The following TLN2 variants were observed in gnomAD, a reference collection of about 807,000 sequenced individuals.
The protein encoded by TLN2 is talin-2.
A neutral mutation model predicts 294.7 loss-of-function variants in TLN2; 118 were observed. The ratio of observed to expected loss-of-function variants is 0.40; its 90% CI spans 0.34 to 0.47. The LOEUF is 0.47. TLN2 is among the 20% of genes least tolerant of loss of function. The pLI, the probability that TLN2 is intolerant of heterozygous loss-of-function variation, is 0.84. For synonymous variants in TLN2, 1,431 were observed against 1,304.5 expected (o/e 1.10, Z -2.09); for missense variants, 3,083 against 3,282.2 (o/e 0.94, Z 1.48).
At chr15:62,835,704 C>A in intron 55 of TLN2, 33 bp from the exon 56 acceptor site, 1 of 1,613,712 alleles carries the variant, frequency 6.2e-7, no homozygotes, top group Non-Finnish European at 8.5e-7. Context: ...GGCTGCCTGC[C>A]CTCATGGCCA....
At chr15:62,482,470 C>T (rs1002265094) in intron 1 of TLN2, among the ~76,000 whole-genome samples, 20 of 151,824 alleles carry the variant, frequency 1.3e-4, no homozygotes, top group Middle Eastern at 3.4e-3. Flanking sequence ...GGCATGGTGG[C>T]GCATGCCTGT....
At chr15:62,532,924 T>C (rs775632307) in intron 1 of TLN2, among the ~76,000 whole-genome samples, 1 of 152,132 alleles carries the variant, frequency 6.6e-6, no homozygotes, top group Non-Finnish European at 1.5e-5. Flanking sequence ...CAAATTTTTA[T>C]GTGTGCAGGA....
chr15:62,711,763 G>T, intron 21 of TLN2, 148 bp from the exon 22 acceptor site: 1 of 792,022 alleles, frequency 1.3e-6, no homozygotes, highest in Admixed American at 3.0e-5. Flanking sequence ...CTCTAATTTG[G>T]ATGCATGGCT....
intron 3 of TLN2, among the ~76,000 whole-genome samples, chr15:62,640,587 G>A (rs749551732): frequency 1.6e-4 from 25 of 152,064 alleles, no homozygotes; most frequent in Non-Finnish European, 2.4e-4. Context: ...CCAGCCTTGC[G>A]CCAAAGGGTG....
At chr15:62,780,317 A>C (rs920511881) in intron 43 of TLN2, among the ~76,000 whole-genome samples, 2 of 152,308 alleles carry the variant, frequency 1.3e-5, no homozygotes, top group African/African-American at 4.8e-5. Flanking sequence ...TATCATCAGC[A>C]TCTTCATTAT....
intron 55 of TLN2, chr15:62,834,468 A>G (rs140752328): frequency 6.6e-6 from 1 of 152,306 alleles, no homozygotes; most frequent in African/African-American, 2.4e-5. Flanking sequence ...GTCTTGACCC[A>G]AGAACTCGCA....
chr15:62,458,419 A>G (rs1420850656), intron 1 of TLN2, among the ~76,000 whole-genome samples: 1 of 151,950 alleles, frequency 6.6e-6, no homozygotes, highest in Non-Finnish European at 1.5e-5. Flanking sequence ...GGGCTTAATG[A>G]GAGATGGCAC....
chr15:62,671,408 T>G (rs1189083420), intron 9 of TLN2, among the ~76,000 whole-genome samples: 1 of 152,236 alleles, frequency 6.6e-6, no homozygotes. Flanking sequence ...TTTTATAGAT[T>G]TAGCTATTAC....
At position 62,675,228 on chromosome 15, in the gene TLN2, C is replaced by G. The variant is rs2056033698; in HGVS notation, c.864C>G (p.Asn288Lys). Residue 288 changes from asparagine (N) to lysine (K), a missense_variant, in exon 11 of 59, where the codon AAC (asparagine) becomes AAG (lysine). Transcript: ENST00000636159. ...TGTCACTTTTGCAGGAGCATAAGAA[C>G]TGCGGAGAGATGAGTGAGATAGAAG... is the stretch of plus-strand genomic sequence containing the variant. ...AEKRIFQEHKNCGEMSEIEAK... is the reference protein window; with the variant it reads ...AEKRIFQEHKKCGEMSEIEAK... 1.9e-6 allele frequency: 3 copies of G among 1,614,078 alleles called. No individual in the cohort carries two copies. Among genetic ancestry groups the G allele is most frequent in the Non-Finnish European group, 2.5e-6 (3 of 1,180,028 alleles).
intron 1 of TLN2, among the ~76,000 whole-genome samples, chr15:62,495,918 A>T (rs2038988923): frequency 6.6e-6 from 1 of 151,602 alleles, no homozygotes; most frequent in Non-Finnish European, 1.5e-5. Context: ...TTAATCATGG[A>T]TGACCTCTTA....
chr15:62,702,914 C>A, intron 19 of TLN2, 50 bp downstream of exon 19: 1 of 1,526,942 alleles, frequency 6.5e-7, no homozygotes, highest in South Asian at 1.1e-5. Context: ...AAGTGATGGT[C>A]TAGACCCGAG....
At chr15:62,741,179 CTT>C (rs1051056284) in intron 32 of TLN2, among the ~76,000 whole-genome samples, 1 of 152,172 alleles carries the variant, frequency 6.6e-6, no homozygotes, top group African/African-American at 2.4e-5. Context: ...ATTCAGCAGA[CTT>C]TTATTGAGCA....
At chr15:62,687,700 A>T (rs994145866) in intron 12 of TLN2, 1 of 152,206 alleles carries the variant, frequency 6.6e-6, no homozygotes, top group Non-Finnish European at 1.5e-5. Context: ...AGATATCATA[A>T]TAGGACATCA....
intron 3 of TLN2, among the ~76,000 whole-genome samples, chr15:62,630,120 C>A (rs2049647414): frequency 9.4e-6 from 1 of 106,416 alleles, no homozygotes; most frequent in African/African-American, 3.5e-5. Flanking sequence ...CACAGGTAGC[C>A]TTTCTGTAAC....
At chr15:62,678,808 G>A (rs1429026176) in intron 11 of TLN2, among the ~76,000 whole-genome samples, 1 of 152,278 alleles carries the variant, frequency 6.6e-6, no homozygotes, top group East Asian at 1.9e-4. Flanking sequence ...TCCCACCTGG[G>A]CGATAGAGCA....
At chr15:62,728,307 C>G (rs978174436) in intron 28 of TLN2, among the ~76,000 whole-genome samples, 1 of 152,178 alleles carries the variant, frequency 6.6e-6, no homozygotes, top group Non-Finnish European at 1.5e-5. Flanking sequence ...ACATACAGTG[C>G]TTCTTGCATT....
At chr15:62,502,871 T>G (rs1358919522) in intron 1 of TLN2, among the ~76,000 whole-genome samples, 1 of 152,204 alleles carries the variant, frequency 6.6e-6, no homozygotes, top group South Asian at 2.1e-4. Context: ...TTGTACTGTT[T>G]GGTAACAACT....
chr15:62,694,167 G>A (rs28539523), intron 13 of TLN2, 149 bp from the exon 14 acceptor site: 8,533 of 567,222 alleles, frequency 0.015, 401 homozygotes, highest in African/African-American at 0.11. Flanking sequence ...ATTAGAGACG[G>A]GGTCTCACTG....
At chr15:62,392,751 T>C (rs1200592741) in intron 1 of TLN2, among the ~76,000 whole-genome samples, 3 of 151,858 alleles carry the variant, frequency 2.0e-5, no homozygotes, top group African/African-American at 7.3e-5. Flanking sequence ...ACCTCTGGGG[T>C]TGGGGGTTAG....
Sources: allele counts gnomAD v4.1 joint callset (sites outside exome capture counted in the v4.1 genomes callset), GRCh38; gene constraint gnomAD v4.1.1; transcripts MANE v1.5; gene names NCBI Gene and HGNC (gene_info 2026-07-23, HGNC 2026-07-21).